UNC5D: variants seen among roughly 807,000 people sequenced by gnomAD.
UNC5D encodes the protein netrin receptor UNC5D.
UNC5D carries 39 observed loss-of-function variants against 105.4 expected under a neutral mutation model. The ratio of observed to expected loss-of-function variants is 0.37; its 90% CI spans 0.29 to 0.48. The LOEUF (loss-of-function observed/expected upper bound fraction) is 0.48, where lower values mean the gene tolerates loss of function less well. Ranked by LOEUF, UNC5D falls within the 20% of genes least tolerant of loss-of-function variation. The pLI is 0.98. For missense variants in UNC5D, 991 were observed against 1,202.4 expected (o/e 0.82, Z 2.60); for synonymous variants, 452 against 450.4 (o/e 1.00, Z -0.04).
At chr8:35,252,774 A>T (rs1803799211) in intron 1 of UNC5D, among the ~76,000 whole-genome samples, 1 of 152,092 alleles carries the variant, frequency 6.6e-6, no homozygotes, top group African/African-American at 2.4e-5. Flanking sequence ...TATATATGTG[A>T]GAGTAGATTA....
At chr8:35,676,639 TATC>T (rs1175886545) in intron 4 of UNC5D, among the ~76,000 whole-genome samples, 3 of 152,218 alleles carry the variant, frequency 2.0e-5, no homozygotes, top group African/African-American at 4.8e-5. Flanking sequence ...TGCAAACCCT[TATC>T]ATACCTGCAG....
At chr8:35,262,895 A>G (rs1804585969) in intron 1 of UNC5D, among the ~76,000 whole-genome samples, 1 of 152,182 alleles carries the variant, frequency 6.6e-6, no homozygotes, top group African/African-American at 2.4e-5. Flanking sequence ...AATCTTCAGT[A>G]CCAGAAATCT....
chr8:35,742,064 G>C (rs980251182), intron 11 of UNC5D, among the ~76,000 whole-genome samples: 1 of 152,124 alleles, frequency 6.6e-6, no homozygotes, highest in Non-Finnish European at 1.5e-5. Context: ...CTCTCCAGGA[G>C]TCTGTTTTCT....
chr8:35,277,280 A>G (rs1805839862), intron 1 of UNC5D, among the ~76,000 whole-genome samples: 1 of 152,236 alleles, frequency 6.6e-6, no homozygotes, highest in Non-Finnish European at 1.5e-5. Flanking sequence ...AAATTAATAA[A>G]TTAGCATTGA....
chr8:35,366,187 T>C (rs1802111183), intron 1 of UNC5D, among the ~76,000 whole-genome samples: 1 of 152,144 alleles, frequency 6.6e-6, no homozygotes, highest in Non-Finnish European at 1.5e-5. Flanking sequence ...TGCATTTTTT[T>C]TTCTAAATCA....
intron 1 of UNC5D, among the ~76,000 whole-genome samples, chr8:35,270,350 T>C (rs951510047): frequency 6.6e-6 from 1 of 152,182 alleles, no homozygotes; most frequent in Non-Finnish European, 1.5e-5. Flanking sequence ...TTGCTGCACC[T>C]ACTACACTCA....
At position 35,728,095 on chromosome 8, in the gene UNC5D, A is replaced by AAAAAATATAT. The variant is rs34672872; in HGVS notation, c.1681+1567_1681+1568insAAAATATATA. 1.6e-4 allele frequency among the ~76,000 whole-genome samples: 18 copies of AAAAAATATAT among 110,352 alleles called. No individual in the cohort carries two copies. The South Asian group carries it at 3.2e-3, about 20-fold the overall frequency. 72.4% of individuals were successfully genotyped at this position (110,352 alleles called of 152,430 possible). A position where few individuals can be genotyped will look rare whatever the true frequency, so the allele number is the denominator to read the frequency against. The stretch of plus-strand genomic sequence containing the variant: ...CTAAAAAAAAAAAAAAAAAAAAAAA[A>AAAAAATATAT]ATATATATATATATATGCCATAAAA... On this transcript the variant is annotated intron_variant, in intron 10 of 16. Coordinates refer to ENST00000404895, the MANE Select transcript of UNC5D (RefSeq NM_080872.4).
At chr8:35,413,257 C>CTGTGTGTGTG (rs1183992855) in intron 1 of UNC5D, among the ~76,000 whole-genome samples, 2 of 130,116 alleles carry the variant, frequency 1.5e-5, no homozygotes, top group African/African-American at 6.0e-5. Context: ...GGGGGCGGGT[C>CTGTGTGTGTG]TGTGTGTGTG....
chr8:35,253,116 G>T (rs1313790397), intron 1 of UNC5D, among the ~76,000 whole-genome samples: 2 of 151,904 alleles, frequency 1.3e-5, no homozygotes, highest in Non-Finnish European at 2.9e-5. Context: ...GTGTGTGTGT[G>T]TGTGTGCGTG....
chr8:35,460,237 AG>A (rs1282724787), intron 1 of UNC5D, among the ~76,000 whole-genome samples: 2 of 152,100 alleles, frequency 1.3e-5, no homozygotes. Context: ...GAATGGGGGT[AG>A]GGGGGCAGCA....
intron 1 of UNC5D, among the ~76,000 whole-genome samples, chr8:35,521,862 G>A (rs1813506200): frequency 6.6e-6 from 1 of 152,144 alleles, no homozygotes; most frequent in South Asian, 2.1e-4. Context: ...GTTGTTACAC[G>A]CTTAGCTAAA....
At chr8:35,700,536 A>G (rs559993392) in intron 7 of UNC5D, among the ~76,000 whole-genome samples, 5 of 152,170 alleles carry the variant, frequency 3.3e-5, no homozygotes, top group Non-Finnish European at 7.3e-5. Flanking sequence ...AATCCCTGCA[A>G]ATGGAGTAAT....
At chr8:35,760,184 A>C (rs568336210) in intron 14 of UNC5D, among the ~76,000 whole-genome samples, 3 of 151,720 alleles carry the variant, frequency 2.0e-5, no homozygotes, top group Non-Finnish European at 2.9e-5. Flanking sequence ...GCTGGATTAC[A>C]GGTGCCCGTC....
intron 1 of UNC5D, among the ~76,000 whole-genome samples, chr8:35,317,569 C>T (rs577680575): frequency 1.6e-3 from 246 of 152,076 alleles, no homozygotes; most frequent in African/African-American, 5.5e-3. Context: ...GAAAGCAGAA[C>T]GCCCATCAAT....
intron 1 of UNC5D, among the ~76,000 whole-genome samples, chr8:35,362,830 G>T (rs181117951): frequency 7.4e-4 from 113 of 152,166 alleles, no homozygotes; most frequent in Admixed American, 2.0e-3. Context: ...CATTTCTGTT[G>T]TTGTTGTAGC....
intron 7 of UNC5D, among the ~76,000 whole-genome samples, chr8:35,697,605 T>G (rs1826878995): frequency 6.6e-6 from 1 of 152,138 alleles, no homozygotes; most frequent in Non-Finnish European, 1.5e-5. Context: ...ACATAGGAAA[T>G]TGATGAACCT....
At chr8:35,613,323 C>T (rs1001880326) in intron 4 of UNC5D, among the ~76,000 whole-genome samples, 2 of 152,186 alleles carry the variant, frequency 1.3e-5, no homozygotes, top group Non-Finnish European at 2.9e-5. Flanking sequence ...GATCTGCCCA[C>T]CCTGGCCTCC....
intron 1 of UNC5D, among the ~76,000 whole-genome samples, chr8:35,320,770 C>T (rs2128885499): frequency 6.6e-6 from 1 of 152,206 alleles, no homozygotes; most frequent in Non-Finnish European, 1.5e-5. Context: ...CACCCACTTC[C>T]AATCATGGCC....
At chr8:35,376,947 T>A (rs1283409068) in intron 1 of UNC5D, among the ~76,000 whole-genome samples, 1 of 152,226 alleles carries the variant, frequency 6.6e-6, no homozygotes, top group East Asian at 1.9e-4. Context: ...CATCTCATAG[T>A]GCACTCCTTC....
Sources: gnomAD v4.1 joint callset for allele counts (sites outside exome capture counted in the v4.1 genomes callset) on GRCh38, gnomAD v4.1.1 for gene constraint, MANE v1.5 for transcripts, NCBI Gene and HGNC (gene_info 2026-07-23, HGNC 2026-07-21) for gene names.